Variants in TBC1D22A observed in about 807,000 individuals in gnomAD.
The protein encoded by TBC1D22A is TBC1 domain family member 22A, also known as putative GTPase activator.
TBC1D22A carries 38 observed loss-of-function variants against 60.2 expected under a neutral mutation model. That is an observed-to-expected ratio of 0.63 (90% CI 0.49 to 0.83). TBC1D22A has a LOEUF of 0.83. Ranked by LOEUF, TBC1D22A falls within the 40% of genes least tolerant of loss-of-function variation. TBC1D22A has a pLI of 0.00. For synonymous variants in TBC1D22A, 302 were observed against 281.7 expected, an observed-to-expected ratio of 1.07 and a Z score of -0.72; for missense variants, 628 against 701.0, an observed-to-expected ratio of 0.90 and a Z score of 1.18.
intron 11 of TBC1D22A, among the ~76,000 whole-genome samples, chr22:47,105,755 A>AC (rs553692470): frequency 9.5e-5 from 14 of 147,834 alleles, no homozygotes; most frequent in East Asian, 8.5e-4. Flanking sequence ...TAGGTTTCCC[A>AC]CCCCCCCACT....
At chr22:47,143,582 G>A (rs60853746) in intron 12 of TBC1D22A, among the ~76,000 whole-genome samples, 5 of 152,384 alleles carry the variant, frequency 3.3e-5, no homozygotes, top group African/African-American at 9.6e-5. Flanking sequence ...CAGAAAGCCT[G>A]TGACTGAACA....
At chr22:47,090,404 C>T (rs886731826) in intron 11 of TBC1D22A, among the ~76,000 whole-genome samples, 7 of 152,360 alleles carry the variant, frequency 4.6e-5, no homozygotes, top group Middle Eastern at 3.4e-3. Flanking sequence ...TGGATGTGCT[C>T]GTCCCCTACT....
chr22:46,865,717 A>C (rs1275090459), intron 4 of TBC1D22A, among the ~76,000 whole-genome samples: 1 of 152,220 alleles, frequency 6.6e-6, no homozygotes, highest in Non-Finnish European at 1.5e-5. Context: ...GGACACACCA[A>C]GGGCCGGTTC....
intron 5 of TBC1D22A, among the ~76,000 whole-genome samples, chr22:46,886,384 A>T (rs1444353175): frequency 1.3e-5 from 2 of 152,170 alleles, no homozygotes; most frequent in African/African-American, 4.8e-5. Flanking sequence ...AGAATACTGT[A>T]ATTCACCGAG....
At chr22:46,974,457 G>C (rs993173622) in intron 9 of TBC1D22A, 58 bp downstream of exon 9, 102 of 1,428,352 alleles carry the variant, frequency 7.1e-5, no homozygotes, top group Non-Finnish European at 9.7e-5. Flanking sequence ...GGTGAAGAGA[G>C]CCTGAGGCCT....
chr22:47,043,837 C>A (rs1441633871), intron 11 of TBC1D22A, among the ~76,000 whole-genome samples: 1 of 152,136 alleles, frequency 6.6e-6, no homozygotes, highest in Non-Finnish European at 1.5e-5. Context: ...TGTGGCTGCA[C>A]CAGAGTATTT....
chr22:46,986,124 A>G (rs1237800454), intron 9 of TBC1D22A, among the ~76,000 whole-genome samples: 2 of 152,148 alleles, frequency 1.3e-5, no homozygotes, highest in African/African-American at 4.8e-5. Context: ...TTTTTCCTCT[A>G]CAGATATCCT....
At chr22:46,891,226 A>G (rs1382486549) in intron 5 of TBC1D22A, 40 bp from the exon 6 acceptor site, 4 of 1,568,356 alleles carry the variant, frequency 2.6e-6, no homozygotes, top group Middle Eastern at 3.4e-4. Flanking sequence ...TCCATGAATT[A>G]GCTATAACCA....
intron 4 of TBC1D22A, among the ~76,000 whole-genome samples, chr22:46,823,099 A>G (rs1192099660): frequency 6.6e-6 from 1 of 152,116 alleles, no homozygotes; most frequent in African/African-American, 2.4e-5. Flanking sequence ...AGTGACTGCA[A>G]TTTGAAATCC....
chr22:46,972,876 C>G (rs1018804696), intron 8 of TBC1D22A, among the ~76,000 whole-genome samples: 12 of 152,292 alleles, frequency 7.9e-5, no homozygotes, highest in Admixed American at 7.8e-4. Flanking sequence ...GAGTGATGTG[C>G]GAACTGGCTG....
rs2083739872 is a variant in TBC1D22A at position 46,777,145 on chromosome 22, T to G, written c.62+14297T>G. 6.6e-6 allele frequency among the ~76,000 whole-genome samples: 1 copy of G among 152,040 alleles called. No individual in the cohort carries two copies. ...AGGGAGGAGACGAGGCTGACCCTCC[T>G]GTTGGTGGATGGCAGTTCTGGAGGT... is the stretch of plus-strand genomic sequence containing the variant. On this transcript the variant is annotated intron_variant, in intron 1 of 12. Transcript: ENST00000337137. The surrounding 1 kb of genome is among the most constrained non-coding windows in gnomAD (Gnocchi z 4.5).
intron 11 of TBC1D22A, among the ~76,000 whole-genome samples, chr22:47,064,224 T>C (rs2063682445): frequency 6.6e-6 from 1 of 152,224 alleles, no homozygotes; most frequent in East Asian, 1.9e-4. Context: ...TGTGGTGAAC[T>C]GGCCCTCCTC....
intron 11 of TBC1D22A, among the ~76,000 whole-genome samples, chr22:47,053,870 C>T (rs1169291103): frequency 6.6e-6 from 1 of 152,190 alleles, no homozygotes; most frequent in Admixed American, 6.5e-5. Context: ...GTGAGCCTCA[C>T]CCCAAGCCAT....
intron 8 of TBC1D22A, among the ~76,000 whole-genome samples, chr22:46,954,421 G>T (rs971247777): frequency 6.6e-6 from 1 of 152,240 alleles, no homozygotes; most frequent in African/African-American, 2.4e-5. Context: ...ATTGGATTTT[G>T]TGCAGGTCAG....
intron 4 of TBC1D22A, among the ~76,000 whole-genome samples, chr22:46,807,186 G>A (rs1275143235): frequency 1.3e-5 from 2 of 152,154 alleles, no homozygotes; most frequent in African/African-American, 4.8e-5. Flanking sequence ...AGCGTGGAAC[G>A]ATGGAGGATC....
intron 4 of TBC1D22A, among the ~76,000 whole-genome samples, chr22:46,815,189 T>A (rs542102367): frequency 6.6e-6 from 1 of 152,344 alleles, no homozygotes; most frequent in South Asian, 2.1e-4. Flanking sequence ...CCCTGAGACA[T>A]AACTCTTGAA....
At chr22:46,773,785 A>T in intron 1 of TBC1D22A, 1 of 339,630 alleles carries the variant, frequency 2.9e-6, no homozygotes, top group Non-Finnish European at 4.2e-6. Flanking sequence ...TAGACACTGT[A>T]CATGCAACCA....
At chr22:46,827,863 G>A (rs189027209) in intron 4 of TBC1D22A, among the ~76,000 whole-genome samples, 273 of 152,330 alleles carry the variant, frequency 1.8e-3, no homozygotes, top group Middle Eastern at 6.8e-3. Context: ...CGCAGGGACT[G>A]TCTGTCTCAA....
intron 12 of TBC1D22A, among the ~76,000 whole-genome samples, chr22:47,127,963 T>TTCCCTCCACCCCACCCATCCCCCATCC (rs2066527508): frequency 4.2e-5 from 1 of 23,934 alleles, no homozygotes. Flanking sequence ...CCACCCGTCC[T>TTCCCTCCACCCCACCCATCCCCCATCC]TCCCTCCACC....
Sources: gnomAD v4.1 joint callset for allele counts (sites outside exome capture counted in the v4.1 genomes callset) on GRCh38, gnomAD v4.1.1 for gene constraint, Gnocchi (gnomAD v3.1) non-coding constraint, MANE v1.5 for transcripts, NCBI Gene and HGNC (gene_info 2026-07-23, HGNC 2026-07-21) for gene names.